POLR3E: variants seen among roughly 807,000 people sequenced by gnomAD.
POLR3E encodes the protein RNA polymerase III subunit E, also known as DNA-directed RNA polymerase III subunit RPC5.
A neutral mutation model predicts 96.6 loss-of-function variants in POLR3E; 41 were observed. That is an observed-to-expected ratio of 0.42 (90% CI 0.33 to 0.55). POLR3E has a LOEUF of 0.55. POLR3E is among the 20% of genes least tolerant of loss of function. The pLI, the probability that POLR3E is intolerant of heterozygous loss-of-function variation, is 0.06. For synonymous variants in POLR3E, 396 were observed against 383.6 expected, an observed-to-expected ratio of 1.03 and a Z score of -0.38; for missense variants, 849 against 952.1, an observed-to-expected ratio of 0.89 and a Z score of 1.43.
At position 22,333,970 on chromosome 16, in the gene POLR3E, T is replaced by C. The variant is rs2048797735; in HGVS notation, c.*270T>C. ...TTCCTGATGTATTTTGCTTATTATT[T>C]GGTTTCATTCTCATAATAAAGAGAG... On this transcript the variant is annotated 3_prime_UTR_variant, in exon 21 of 21. Coordinates refer to ENST00000299853, the MANE Select transcript of POLR3E (RefSeq NM_018119.4). 7.6e-6 allele frequency: 3 copies of C among 396,100 alleles called. No individual in the cohort carries two copies. The East Asian group carries it at 1.1e-4, about 15-fold the overall frequency. 24.5% of individuals were successfully genotyped at this position (396,100 alleles called of 1,614,324 possible). A position where few individuals can be genotyped will look rare whatever the true frequency, so the allele number is the denominator to read the frequency against.
At position 22,328,142 on chromosome 16, in the gene POLR3E, A is replaced by C. The variant is rs962989047; in HGVS notation, c.1867-368A>C. The C allele has an allele frequency of 1.5e-5, 3 of 197,820 alleles. No individual in the cohort carries two copies. In the Admixed American group the frequency reaches 1.7e-4, roughly 11 times the overall value. The allele number at this position is 197,820 out of a possible 1,614,324, so 12.3% of individuals were successfully genotyped here. ...CCCCTCCATCAGGGTTGGCATCTTC[A>C]GGAGGGAGGACTCTGGGTGTTAAAG... On this transcript the variant is annotated intron_variant, in intron 18 of 20. Coordinates refer to ENST00000299853, the MANE Select transcript of POLR3E (RefSeq NM_018119.4).
intron 14 of POLR3E, among the ~76,000 whole-genome samples, chr16:22,324,008 C>T (rs962610411): frequency 1.3e-5 from 2 of 152,108 alleles, no homozygotes; most frequent in African/African-American, 2.4e-5. Flanking sequence ...TGTGAAGTGC[C>T]GCCTATGCAG....
intron 20 of POLR3E, among the ~76,000 whole-genome samples, chr16:22,333,403 G>A (rs2048784700): frequency 6.7e-6 from 1 of 149,598 alleles, no homozygotes; most frequent in Middle Eastern, 3.2e-3. Context: ...AGTGAGCCAA[G>A]ATCATGCCGT....
At chr16:22,324,744 C>A in intron 16 of POLR3E, 84 bp downstream of exon 16, 2 of 1,450,018 alleles carry the variant, frequency 1.4e-6, no homozygotes, top group African/African-American at 1.4e-5. Context: ...TGGATCCGAG[C>A]AATCTCTAGA....
rs2048200160 is a variant in POLR3E at position 22,309,466 on chromosome 16, C to A, written c.320C>A (p.Thr107Asn). The A allele has an allele frequency of 1.9e-6, 3 of 1,613,944 alleles. No individual in the cohort carries two copies. The highest frequency in any genetic ancestry group is 2.5e-6 in the Non-Finnish European group (3 of 1,179,934). ...MDKQTFCSSQTTSNTSRYAAA... is the reference protein window; with the variant it reads ...MDKQTFCSSQNTSNTSRYAAA... Reference sequence around the variant, plus strand: ...AAGCAGACCTTCTGCTCTTCCCAGACCACCAGTAACACATCCCGTTATGCC... The same window carrying A: ...AAGCAGACCTTCTGCTCTTCCCAGAACACCAGTAACACATCCCGTTATGCC... The change falls in exon 6 of 21, where the codon ACC (threonine) becomes AAC (asparagine). Residue 107 changes from threonine to asparagine, a missense_variant. Thr to Asn is a moderately conservative substitution (Grantham distance 65). Transcript: ENST00000299853.
intron 16 of POLR3E, 81 bp downstream of exon 16, chr16:22,324,741 G>C (rs1354571303): frequency 6.8e-7 from 1 of 1,473,226 alleles, no homozygotes; most frequent in African/African-American, 1.4e-5. Flanking sequence ...GGGTGGATCC[G>C]AGCAATCTCT....
Position 22,313,892 on chromosome 16 carries a change from C to A in POLR3E, c.472+165C>A, listed in dbSNP as rs1053152830. ...CCACAGTCGTGACAATCAAAAAGGTCACATTGCCCAGTATCCCCAGGGTAA... is the reference window on the plus strand; with the variant it reads ...CCACAGTCGTGACAATCAAAAAGGTAACATTGCCCAGTATCCCCAGGGTAA... On this transcript the variant is annotated intron_variant, in intron 7 of 20. Transcript: ENST00000299853. The surrounding 1 kb of genome is among the most constrained non-coding windows in gnomAD (Gnocchi z 4.1). Among the ~76,000 whole-genome samples, 1 of 152,084 alleles carries A rather than the reference C, an allele frequency of 6.6e-6. No individual in the cohort carries two copies. Among genetic ancestry groups the A allele is most frequent in the Non-Finnish European group, 1.5e-5 (1 of 68,018 alleles).
intron 8 of POLR3E, among the ~76,000 whole-genome samples, chr16:22,314,700 A>G (rs1196151202): frequency 6.6e-6 from 1 of 152,146 alleles, no homozygotes; most frequent in Non-Finnish European, 1.5e-5. Flanking sequence ...CACGGGCGTA[A>G]TGGACATGGA....
At chr16:22,328,634 C>T (rs2048664159) in intron 19 of POLR3E, 47 bp downstream of exon 19, 1 of 1,532,860 alleles carries the variant, frequency 6.5e-7, no homozygotes, top group South Asian at 1.1e-5. Flanking sequence ...AGGGGGGTTT[C>T]CTGCAGCGTT....
intron 3 of POLR3E, among the ~76,000 whole-genome samples, 180 bp from the exon 4 acceptor site, chr16:22,307,968 C>T (rs2048168949): frequency 6.6e-6 from 1 of 152,146 alleles, no homozygotes; most frequent in African/African-American, 2.4e-5. Flanking sequence ...GAGAATAGGG[C>T]TGCGGGTGGA....
chr16:22,325,390 C>G (rs1762697244), intron 17 of POLR3E, 124 bp downstream of exon 17: 1 of 801,048 alleles, frequency 1.2e-6, no homozygotes, highest in South Asian at 1.5e-5. Flanking sequence ...GTTCACCCTT[C>G]ACCCTCCTTC....
rs2048585622 is a variant in POLR3E, at chr16:22,326,116, C to T, written c.1704C>T (p.Ala568=). 6.2e-7 allele frequency: 1 copy of T among 1,613,964 alleles called. No individual in the cohort carries two copies. Among genetic ancestry groups the T allele is most frequent in the Non-Finnish European group, 8.5e-7 (1 of 1,180,006 alleles). The change falls in exon 18 of 21, where the codon GCC becomes GCT. Residue 568 remains alanine, a synonymous_variant. Coordinates refer to ENST00000299853, the MANE Select transcript of POLR3E (RefSeq NM_018119.4). ...VARELKAFVE[A]TFQRQFVLTL... ...GGGAACTGAAGGCCTTCGTGGAGGCCACCTTTCAGAGACAGTTTGTGCTCA... is the reference window on the plus strand; with the variant it reads ...GGGAACTGAAGGCCTTCGTGGAGGCTACCTTTCAGAGACAGTTTGTGCTCA...
intron 18 of POLR3E, 48 bp from the exon 19 acceptor site, chr16:22,328,461 AT>A (rs768826437): frequency 6.7e-7 from 1 of 1,498,180 alleles, no homozygotes; most frequent in South Asian, 1.1e-5. Flanking sequence ...AAGCAAATGG[AT>A]CCATGGGGTA....
At position 22,303,029 on chromosome 16, in the gene POLR3E, C is replaced by A. The variant is rs773742023; in HGVS notation, c.36+25C>A. 27 of 1,609,310 alleles carry A rather than the reference C, an allele frequency of 1.7e-5. No individual in the cohort carries two copies. In the South Asian group the frequency reaches 2.6e-4, roughly 16 times the overall value. On this transcript the variant is annotated intron_variant, in intron 2 of 20. Coordinates refer to ENST00000299853, the MANE Select transcript of POLR3E (RefSeq NM_018119.4). ...GGTAACTGCTGCTCTCTGTCCCCTG[C>A]CGCCGGGGCTACAGGCAGTGGAATT...
At chr16:22,309,533 CGGTGGGGACATGGCATT>C in intron 6 of POLR3E, 23 bp downstream of exon 6, 1 of 1,359,804 alleles carries the variant, frequency 7.4e-7, no homozygotes, top group South Asian at 1.2e-5. Context: ...GGGTGTCCCG[CGGTGGGGACATGGCATT>C]GGGGGGGGCT....
chr16:22,315,188 C>T lies in POLR3E; in HGVS notation c.622C>T (p.Leu208=), dbSNP rs1418816987. ...GCACGCAGAGGAGCCCTGGGTCCAC[C>T]TGCATTACTATGGCCTGAGGGTGAG... is the stretch of plus-strand genomic sequence containing the variant. ...KKHAEEPWVH[L]HYYGLRDSRS... The change falls in exon 9 of 21, where the codon CTG becomes TTG. Residue 208 remains leucine, a synonymous_variant. Coordinates refer to ENST00000299853, the MANE Select transcript of POLR3E (RefSeq NM_018119.4). 6.3e-7 allele frequency: 1 copy of T among 1,598,310 alleles called. No individual in the cohort carries two copies. The highest frequency in any genetic ancestry group is 1.3e-5 in the African/African-American group (1 of 74,658).
At position 22,313,335 on chromosome 16, in the gene POLR3E, G is replaced by A. The variant is rs544429308; in HGVS notation, c.365-285G>A. Reference sequence around the variant, plus strand: ...GTTGCAAAGCGAGCAGCTGGGGAGAGGGGCGTGGAACCAGACTGGGAGGTG... The same window carrying A: ...GTTGCAAAGCGAGCAGCTGGGGAGAAGGGCGTGGAACCAGACTGGGAGGTG... On this transcript the variant is annotated intron_variant, in intron 6 of 20. Coordinates refer to ENST00000299853, the MANE Select transcript of POLR3E (RefSeq NM_018119.4). The surrounding 1 kb of genome is among the most constrained non-coding windows in gnomAD (Gnocchi z 4.1). 7.9e-5 allele frequency among the ~76,000 whole-genome samples: 12 copies of A among 152,276 alleles called. No homozygotes were observed. The highest frequency in any genetic ancestry group is 4.1e-4 in the South Asian group (2 of 4,826).
Position 22,326,029 on chromosome 16 carries a change from T to C in POLR3E, c.1617T>C (p.Ala539=). 1 of 1,602,520 alleles carries C rather than the reference T, an allele frequency of 6.2e-7. No individual in the cohort carries two copies. Among genetic ancestry groups the C allele is most frequent in the East Asian group, 2.2e-5 (1 of 44,628 alleles). Reference sequence around the variant, plus strand: ...CCAACGGGCTGCCTCTCGGGCGGGCTGCGGGCACAGACAGCTTCAACGGGC... The same window carrying C: ...CCAACGGGCTGCCTCTCGGGCGGGCCGCGGGCACAGACAGCTTCAACGGGC... ...KLANGLPLGR[A]AGTDSFNGHP... is the part of the protein sequence containing the mutation. Residue 539 remains alanine, a synonymous_variant, in exon 18 of 21, where the codon GCT becomes GCC. Transcript: ENST00000299853.
rs1246799777 is a variant in POLR3E at position 22,334,677 on chromosome 16, T to C, written c.*977T>C. On this transcript the variant is annotated 3_prime_UTR_variant, in exon 21 of 21. Coordinates refer to ENST00000299853, the MANE Select transcript of POLR3E (RefSeq NM_018119.4). ...AAAACATCAACATAAGGTAAAAGTC[T>C]TCAAAATCTGGCATTTTACACTTTC... The C allele has an allele frequency of 6.6e-6, 1 of 152,178 alleles. No homozygotes were observed. Among genetic ancestry groups the C allele is most frequent in the Non-Finnish European group, 1.5e-5 (1 of 68,036 alleles). The allele number at this position is 152,178 out of a possible 1,614,324, so 9.4% of individuals were successfully genotyped here. A position where few individuals can be genotyped will look rare whatever the true frequency, so the allele number is the denominator to read the frequency against.
Sources: allele counts gnomAD v4.1 joint callset (sites outside exome capture counted in the v4.1 genomes callset), GRCh38; gene constraint gnomAD v4.1.1; non-coding constraint Gnocchi (gnomAD v3.1); transcripts MANE v1.5; gene names NCBI Gene and HGNC (gene_info 2026-07-23, HGNC 2026-07-21).